The following PPP2R1B variants were observed in gnomAD, a reference collection of about 807,000 sequenced individuals.
The protein encoded by PPP2R1B is serine/threonine-protein phosphatase 2A 65 kDa regulatory subunit A beta isoform.
PPP2R1B carries 58 observed loss-of-function variants against 72.7 expected under a neutral mutation model. The ratio of observed to expected loss-of-function variants is 0.80; its 90% CI spans 0.65 to 0.99. The LOEUF is 0.99. Ranked by LOEUF, PPP2R1B falls within the 50% of genes least tolerant of loss-of-function variation. The probability of loss-of-function intolerance (pLI) is 0.00; values close to 1 mark genes in which losing one functional copy is unlikely to be tolerated. For synonymous variants in PPP2R1B, 256 were observed against 264.6 expected (o/e 0.97, Z 0.32); for missense variants, 695 against 733.6 (o/e 0.95, Z 0.61).
chr11:111,755,590 CTTTTTTT>C (rs1167247279), intron 5 of PPP2R1B, 140 bp from the exon 6 acceptor site: 5 of 450,992 alleles, frequency 1.1e-5, no homozygotes, highest in African/African-American at 6.9e-5. Context: ...ACATCTTTTT[CTTTTTTT>C]TTTTTTTTTT....
At chr11:111,690,279 T>C in the PPP2R1B span, among the ~76,000 whole-genome samples, 2 of 151,152 alleles carry the variant, frequency 1.3e-5, no homozygotes, top group African/African-American at 4.8e-5. Flanking sequence ...TTTCTTTTTT[T>C]TTTTTTTTTT....
chr11:111,755,590 C>CATT, intron 5 of PPP2R1B, 140 bp from the exon 6 acceptor site: 1 of 450,700 alleles, frequency 2.2e-6, no homozygotes, highest in Non-Finnish European at 3.5e-6. Flanking sequence ...ACATCTTTTT[C>CATT]TTTTTTTTTT....
At chr11:111,702,813 G>C in the PPP2R1B span, among the ~76,000 whole-genome samples, 1 of 152,164 alleles carries the variant, frequency 6.6e-6, no homozygotes, top group Non-Finnish European at 1.5e-5. Context: ...AGAGCTCTTT[G>C]CCTCGCTTAC....
At chr11:111,692,397 G>GGA in the PPP2R1B span, among the ~76,000 whole-genome samples, 879 of 118,118 alleles carry the variant, frequency 7.4e-3, 8 homozygotes, top group Non-Finnish European at 0.013. Context: ...AACACAAAAA[G>GGA]GAGAGAGGGA....
Position 111,739,235 on chromosome 11 carries a change from G to A in PPP2R1B, c.*2361C>T. The A allele has an allele frequency of 4.1e-6, 4 of 973,068 alleles. No homozygotes were observed. Among genetic ancestry groups the A allele is most frequent in the Non-Finnish European group, 4.9e-6 (4 of 818,840 alleles). 60.3% of individuals were successfully genotyped at this position (973,068 alleles called of 1,614,324 possible). On this transcript the variant is annotated 3_prime_UTR_variant, in exon 15 of 15. Coordinates refer to ENST00000527614, the MANE Select transcript of PPP2R1B (RefSeq NM_002716.5). ...TGCACCAGACACTGTTCCAGGCACT[G>A]GCGATACAGTAGAAGATAAAACAGA...
At chr11:111,749,010 T>C (rs1944803999) in intron 10 of PPP2R1B, among the ~76,000 whole-genome samples, 1 of 151,940 alleles carries the variant, frequency 6.6e-6, no homozygotes, top group African/African-American at 2.4e-5. Context: ...CATGCCCAGC[T>C]AATTTTGTAT....
chr11:111,765,055 T>C, intron 2 of PPP2R1B, 150 bp from the exon 3 acceptor site: 2 of 1,346,328 alleles, frequency 1.5e-6, no homozygotes, highest in East Asian at 2.5e-5. Context: ...ACCGTCTTCC[T>C]GTATCTGCTT....
intron 9 of PPP2R1B, 44 bp downstream of exon 9, chr11:111,753,399 A>T (rs1265570750): frequency 6.3e-7 from 1 of 1,581,358 alleles, no homozygotes; most frequent in African/African-American, 1.4e-5. Context: ...ATCAAATAAA[A>T]TCAAATTACT....
the PPP2R1B span, among the ~76,000 whole-genome samples, chr11:111,711,916 A>G: frequency 6.6e-6 from 1 of 152,264 alleles, no homozygotes; most frequent in South Asian, 2.1e-4. Flanking sequence ...AACGAGGAAC[A>G]TTCTTGATTC....
chr11:111,749,663 G>T (rs536359941), intron 10 of PPP2R1B, among the ~76,000 whole-genome samples: 12 of 152,198 alleles, frequency 7.9e-5, no homozygotes, highest in Non-Finnish European at 8.8e-5. Flanking sequence ...AGTCTTGAGA[G>T]AATTTTATAA....
At position 111,739,504 on chromosome 11, in the gene PPP2R1B, C is replaced by T. The variant is rs1944448550; in HGVS notation, c.*2092G>A. On this transcript the variant is annotated 3_prime_UTR_variant, in exon 15 of 15. Transcript: ENST00000527614. Reference sequence around the variant, plus strand: ...GAGGGGTCACCACAAAAGACAGAGGCCCCGCTGAACCCCCGACCCATGCTT... The same window carrying T: ...GAGGGGTCACCACAAAAGACAGAGGTCCCGCTGAACCCCCGACCCATGCTT... 1 of 985,284 alleles carries T rather than the reference C, an allele frequency of 1.0e-6. No individual in the cohort carries two copies. The highest frequency in any genetic ancestry group is 1.2e-6 in the Non-Finnish European group (1 of 829,962). The allele number at this position is 985,284 out of a possible 1,614,324, so 61.0% of individuals were successfully genotyped here.
chr11:111,744,819 T>C (rs1479330239), intron 11 of PPP2R1B, among the ~76,000 whole-genome samples: 1 of 152,162 alleles, frequency 6.6e-6, no homozygotes, highest in African/African-American at 2.4e-5. Context: ...CAAGACAGCA[T>C]AGACAAGTGA....
At chr11:111,724,898 A>G (rs1943920883), downstream of PPP2R1B, 1 of 152,338 alleles carries the variant, frequency 6.6e-6, no homozygotes, top group Non-Finnish European at 1.5e-5. Context: ...GGCAGGGGGC[A>G]AGAAACTCAA....
chr11:111,765,421 G>C (rs782769277), intron 1 of PPP2R1B, 37 bp from the exon 2 acceptor site: 2 of 1,520,778 alleles, frequency 1.3e-6, no homozygotes, highest in East Asian at 4.5e-5. Flanking sequence ...ACAATGTAAA[G>C]AAACGGCTGA....
At chr11:111,760,046 A>T (rs1945270067) in intron 4 of PPP2R1B, 95 bp from the exon 5 acceptor site, 5 of 1,304,950 alleles carry the variant, frequency 3.8e-6, no homozygotes, top group Non-Finnish European at 5.2e-6. Context: ...GTTTTATCTT[A>T]CAATAATCAG....
At chr11:111,697,761 C>CCG in the PPP2R1B span, among the ~76,000 whole-genome samples, 1 of 151,818 alleles carries the variant, frequency 6.6e-6, no homozygotes, top group Non-Finnish European at 1.5e-5. Flanking sequence ...GGTGCTGAGG[C>CCG]AGGAGGGTCA....
Position 111,741,171 on chromosome 11 carries a change from C to T in PPP2R1B, c.*425G>A, listed in dbSNP as rs1013951755. Reference sequence around the variant, plus strand: ...TAAAATAAGTTATTCTAAACATGTACATTTAGCTTTGGAATGATGGAGAGA... The same window carrying T: ...TAAAATAAGTTATTCTAAACATGTATATTTAGCTTTGGAATGATGGAGAGA... On this transcript the variant is annotated 3_prime_UTR_variant, in exon 15 of 15. Coordinates refer to ENST00000527614, the MANE Select transcript of PPP2R1B (RefSeq NM_002716.5). 1.2e-4 allele frequency: 124 copies of T among 994,878 alleles called. No homozygotes were observed. Among genetic ancestry groups the T allele is most frequent in the Admixed American group, 2.9e-4 (5 of 17,376 alleles). 61.6% of individuals were successfully genotyped at this position (994,878 alleles called of 1,614,324 possible). A position where few individuals can be genotyped will look rare whatever the true frequency, so the allele number is the denominator to read the frequency against.
downstream of PPP2R1B, chr11:111,722,809 G>C: frequency 3.9e-6 from 6 of 1,522,806 alleles, no homozygotes; most frequent in Non-Finnish European, 5.4e-6. This position sits in a 1 kb window ranked among gnomAD's most constrained non-coding sequence, Gnocchi z 4.4. Flanking sequence ...GAAGCCTTGA[G>C]AACACTGAAT....
chr11:111,756,026 G>A (rs971160465), intron 5 of PPP2R1B, among the ~76,000 whole-genome samples: 4 of 151,574 alleles, frequency 2.6e-5, no homozygotes, highest in African/African-American at 7.3e-5. Flanking sequence ...AGCTAACACG[G>A]TGAAACCCCA....
Sources: gnomAD v4.1 joint callset for allele counts (sites outside exome capture counted in the v4.1 genomes callset) on GRCh38, gnomAD v4.1.1 for gene constraint, Gnocchi (gnomAD v3.1) non-coding constraint, MANE v1.5 for transcripts, NCBI Gene and HGNC (gene_info 2026-07-23, HGNC 2026-07-21) for gene names.